Variants in UBAC2 observed in about 807,000 individuals in gnomAD.
UBAC2 encodes UBA domain containing 2, also known as ubiquitin-associated domain-containing protein 2.
A neutral mutation model predicts 44.0 loss-of-function variants in UBAC2; 26 were observed. That is an observed-to-expected ratio of 0.59 (90% confidence interval 0.43 to 0.82). The LOEUF is 0.82. Ranked by LOEUF, UBAC2 falls within the 40% of genes least tolerant of loss-of-function variation. The probability of loss-of-function intolerance (pLI) is 0.00; values close to 1 mark genes in which losing one functional copy is unlikely to be tolerated. For missense variants in UBAC2, 329 were observed against 419.4 expected, an observed-to-expected ratio of 0.78 and a Z score of 1.88; for synonymous variants, 155 against 154.3, an observed-to-expected ratio of 1.00 and a Z score of -0.04.
intron 7 of UBAC2, among the ~76,000 whole-genome samples, chr13:99,347,819 C>A (rs1300357513): frequency 2.0e-5 from 3 of 151,564 alleles, no homozygotes; most frequent in African/African-American, 7.3e-5. Flanking sequence ...ACTGACTATC[C>A]AGAGGCCTTT....
At chr13:99,319,023 G>A (rs1388741708) in intron 6 of UBAC2, among the ~76,000 whole-genome samples, 1 of 151,732 alleles carries the variant, frequency 6.6e-6, no homozygotes, top group Non-Finnish European at 1.5e-5. Flanking sequence ...TTTGTAAAAA[G>A]ACATTGTCAC....
intron 4 of UBAC2, among the ~76,000 whole-genome samples, chr13:99,249,321 T>A (rs886652285): frequency 6.6e-6 from 1 of 152,204 alleles, no homozygotes; most frequent in African/African-American, 2.4e-5. Context: ...ATTAATTTAT[T>A]TAGGATAATG....
intron 1 of UBAC2, chr13:99,201,267 C>T: frequency 1.4e-6 from 2 of 1,445,566 alleles, no homozygotes; most frequent in Non-Finnish European, 9.1e-7. Flanking sequence ...AGGCCCTTTG[C>T]GGAGCGTGTG....
Position 99,340,298 on chromosome 13 carries a change from A to G in UBAC2, c.562-22A>G, listed in dbSNP as rs770125750. The G allele has an allele frequency of 1.9e-6, 3 of 1,610,180 alleles. No homozygotes were observed. The African/African-American group carries it at 4.0e-5, about 22-fold the overall frequency. On this transcript the variant is annotated intron_variant, in intron 6 of 8. Coordinates refer to ENST00000403766, the MANE Select transcript of UBAC2 (RefSeq NM_001144072.2). ...AAAATAATACTACATTTAAACAATC[A>G]CATTGGACGTTTTTCTTCTAGATGT...
chr13:99,254,878 C>T (rs756448167), intron 4 of UBAC2: 2 of 1,605,274 alleles, frequency 1.2e-6, no homozygotes, highest in South Asian at 1.1e-5. Flanking sequence ...CCTTATTATT[C>T]ATAACATTTC....
chr13:99,337,693 G>C (rs1250603961), intron 6 of UBAC2, among the ~76,000 whole-genome samples: 1 of 152,156 alleles, frequency 6.6e-6, no homozygotes, highest in African/African-American at 2.4e-5. Flanking sequence ...ACAGCCGCAT[G>C]AGATGCACAT....
At chr13:99,214,914 G>A (rs2042974221) in intron 1 of UBAC2, among the ~76,000 whole-genome samples, 1 of 151,990 alleles carries the variant, frequency 6.6e-6, no homozygotes, top group African/African-American at 2.4e-5. Flanking sequence ...TTTTAGACAG[G>A]GTGTCAGCCC....
At chr13:99,232,399 G>GAGATAGATATATATATAT (rs1367302629) in intron 1 of UBAC2, among the ~76,000 whole-genome samples, 1,593 of 109,854 alleles carry the variant, frequency 0.015, 39 homozygotes, top group African/African-American at 0.03. Context: ...TTAGTTGAGA[G>GAGATAGATATATATATAT]ATATAGATAT....
At chr13:99,287,643 C>CTTTTTTTTT (rs11304203) in intron 4 of UBAC2, among the ~76,000 whole-genome samples, 2 of 95,150 alleles carry the variant, frequency 2.1e-5, no homozygotes, top group Non-Finnish European at 3.9e-5. Flanking sequence ...TTTTTTCTTT[C>CTTTTTTTTT]TTTTTTTTTT....
At chr13:99,232,450 G>GA (rs201108037) in intron 1 of UBAC2, among the ~76,000 whole-genome samples, 61,253 of 110,918 alleles carry the variant, frequency 0.55, 15,493 homozygotes, top group African/African-American at 0.7. Flanking sequence ...AGGACCAAAA[G>GA]AAAAAAAAAA....
rs568955325 is a variant in UBAC2, at chr13:99,210,704, C to T, written c.31+9765C>T. Among the ~76,000 whole-genome samples, 477 of 152,030 alleles carry T rather than the reference C, an allele frequency of 3.1e-3. 6 individuals are homozygous for T. Among genetic ancestry groups the T allele is most frequent in the African/African-American group, 0.011 (458 of 41,486 alleles). On this transcript the variant is annotated intron_variant, in intron 1 of 8. Coordinates refer to ENST00000403766, the MANE Select transcript of UBAC2 (RefSeq NM_001144072.2). Reference sequence around the variant, plus strand: ...TTTGGTCAGGCTGGTCTCAAACTCCCGACCTCTGGTGATCTGCCTGCCTTG... The same window carrying T: ...TTTGGTCAGGCTGGTCTCAAACTCCTGACCTCTGGTGATCTGCCTGCCTTG...
chr13:99,336,814 C>T (rs2044795012), intron 6 of UBAC2, among the ~76,000 whole-genome samples: 1 of 152,162 alleles, frequency 6.6e-6, no homozygotes, highest in South Asian at 2.1e-4. Context: ...CTAACTGTCA[C>T]AAAGCCTTGC....
At chr13:99,381,986 C>T (rs1300328431) in intron 8 of UBAC2, among the ~76,000 whole-genome samples, 1 of 152,174 alleles carries the variant, frequency 6.6e-6, no homozygotes, top group Non-Finnish European at 1.5e-5. Context: ...TTGACAACAT[C>T]TCATCAGCTT....
At chr13:99,340,717 TA>T (rs2044873339) in intron 7 of UBAC2, 152 bp downstream of exon 7, 1 of 867,760 alleles carries the variant, frequency 1.2e-6, no homozygotes, top group Middle Eastern at 3.6e-4. Flanking sequence ...AGGTCTCTGT[TA>T]GTGGCCATTC....
intron 4 of UBAC2, among the ~76,000 whole-genome samples, chr13:99,246,182 G>GTGAATTATAGTTGGTGTGAATA (rs2043381251): frequency 6.6e-6 from 1 of 152,150 alleles, no homozygotes; most frequent in Admixed American, 6.5e-5. Flanking sequence ...GCTGCCTTTT[G>GTGAATTATAGTTGGTGTGAATA]TGAATTATAG....
At chr13:99,258,983 G>T (rs1266695814) in intron 4 of UBAC2, among the ~76,000 whole-genome samples, 1 of 152,170 alleles carries the variant, frequency 6.6e-6, no homozygotes, top group Non-Finnish European at 1.5e-5. Context: ...GCTGTATTTT[G>T]TAAGTCTGCT....
At chr13:99,233,934 A>G (rs967104884) in intron 1 of UBAC2, among the ~76,000 whole-genome samples, 15 of 152,116 alleles carry the variant, frequency 9.9e-5, no homozygotes, top group African/African-American at 3.6e-4. Context: ...TCTCAAGACT[A>G]GTCTTTTGAT....
At chr13:99,263,153 C>T (rs1189230958) in intron 4 of UBAC2, among the ~76,000 whole-genome samples, 2 of 152,098 alleles carry the variant, frequency 1.3e-5, no homozygotes, top group Non-Finnish European at 2.9e-5. Flanking sequence ...GAAGTTGGCC[C>T]TACTTAATAG....
chr13:99,295,000 G>C, intron 4 of UBAC2: 1 of 1,522,568 alleles, frequency 6.6e-7, no homozygotes, highest in Non-Finnish European at 8.8e-7. Flanking sequence ...GCTTTATAAG[G>C]GAAGTCCTGC....
Sources: allele counts gnomAD v4.1 joint callset (sites outside exome capture counted in the v4.1 genomes callset), GRCh38; gene constraint gnomAD v4.1.1; transcripts MANE v1.5; gene names NCBI Gene and HGNC (gene_info 2026-07-23, HGNC 2026-07-21).